The following SLC35D2 variants were observed in gnomAD, a reference collection of about 807,000 sequenced individuals.
SLC35D2 encodes the protein solute carrier family 35 member D2, also known as nucleotide sugar transporter SLC35D2.
Under a neutral mutation model 41.8 loss-of-function variants are expected in SLC35D2, and 43 were observed. That is an observed-to-expected ratio of 1.03 (90% CI 0.81 to 1.33). The LOEUF is 1.33. SLC35D2 is among the 40% of genes most tolerant of loss of function. SLC35D2 has a pLI of 0.00. For synonymous variants in SLC35D2, 150 were observed against 163.9 expected (o/e 0.92, Z 0.65); for missense variants, 380 against 408.4 (o/e 0.93, Z 0.60).
chr9:96,320,124 G>A (rs1424169910), downstream of SLC35D2, among the ~76,000 whole-genome samples: 1 of 152,186 alleles, frequency 6.6e-6, no homozygotes, highest in Non-Finnish European at 1.5e-5. Flanking sequence ...CCAGGGGTTG[G>A]CGGTAGGTGA....
chr9:96,359,253 G>A (rs1426444527), intron 4 of SLC35D2, among the ~76,000 whole-genome samples: 3 of 118,386 alleles, frequency 2.5e-5, no homozygotes, highest in African/African-American at 8.0e-5. Context: ...GCAGTGAGCC[G>A]AGATTGTGCC....
Position 96,321,117 on chromosome 9 carries a change from G to T in SLC35D2, c.*125C>A. Reference sequence around the variant, plus strand: ...TATGAGGTAGTTCTCTTTGCATTTTGCAGATGCTCTCACTTGCCCAGGGGG... The same window carrying T: ...TATGAGGTAGTTCTCTTTGCATTTTTCAGATGCTCTCACTTGCCCAGGGGG... On this transcript the variant is annotated 3_prime_UTR_variant, in exon 12 of 12. Transcript: ENST00000253270. 1 of 671,192 alleles carries T rather than the reference G, an allele frequency of 1.5e-6. No individual in the cohort carries two copies. Among genetic ancestry groups the T allele is most frequent in the Non-Finnish European group, 2.6e-6 (1 of 384,558 alleles). 41.6% of individuals were successfully genotyped at this position (671,192 alleles called of 1,614,324 possible).
chr9:96,358,024 G>C (rs1830097934), intron 4 of SLC35D2, among the ~76,000 whole-genome samples: 1 of 146,090 alleles, frequency 6.8e-6, no homozygotes, highest in African/African-American at 2.6e-5. Flanking sequence ...TGGAGACCCT[G>C]TCTCAAAAAA....
downstream of SLC35D2, among the ~76,000 whole-genome samples, chr9:96,317,299 A>G (rs548256481): frequency 6.6e-6 from 1 of 152,274 alleles, no homozygotes; most frequent in South Asian, 2.1e-4. Context: ...TTTTACCAGG[A>G]AAAATTATAT....
At chr9:96,323,572 T>C (rs1177486826) in intron 10 of SLC35D2, among the ~76,000 whole-genome samples, 1 of 152,178 alleles carries the variant, frequency 6.6e-6, no homozygotes, top group Non-Finnish European at 1.5e-5. Flanking sequence ...TTAAAAGTTA[T>C]AATTCATCTC....
chr9:96,344,993 C>T (rs1036135064), intron 7 of SLC35D2, among the ~76,000 whole-genome samples: 1 of 152,178 alleles, frequency 6.6e-6, no homozygotes, highest in Admixed American at 6.5e-5. Context: ...GAACAAATAT[C>T]GTGACCCCTG....
chr9:96,334,402 C>G (rs1242740371), intron 9 of SLC35D2, among the ~76,000 whole-genome samples: 2 of 152,122 alleles, frequency 1.3e-5, no homozygotes, highest in African/African-American at 4.8e-5. Context: ...CTTTGGGAGG[C>G]CGAGGCAGGT....
chr9:96,376,158 A>G (rs887996690), intron 1 of SLC35D2, among the ~76,000 whole-genome samples: 2 of 151,048 alleles, frequency 1.3e-5, no homozygotes, highest in African/African-American at 4.9e-5. Context: ...AGCTGGGCAT[A>G]GTGGCAGGCG....
chr9:96,371,691 C>CCAT (rs1458516125), intron 1 of SLC35D2, among the ~76,000 whole-genome samples: 1 of 148,434 alleles, frequency 6.7e-6, no homozygotes, highest in Non-Finnish European at 1.5e-5. Context: ...TCTCTTTTCT[C>CCAT]CATTCAGTTC....
chr9:96,313,740 G>A (rs969561375), exon 12 of SLC35D2, among the ~76,000 whole-genome samples: 26 of 152,224 alleles, frequency 1.7e-4, no homozygotes, highest in African/African-American at 5.1e-4. Flanking sequence ...CACAGGCTGC[G>A]TCCTCCCTGG....
chr9:96,356,451 A>C (rs1830029922), intron 4 of SLC35D2, among the ~76,000 whole-genome samples: 1 of 150,612 alleles, frequency 6.6e-6, no homozygotes, highest in Non-Finnish European at 1.5e-5. Flanking sequence ...AATGCAAGAG[A>C]ATTAAAAAAT....
chr9:96,346,327 C>T (rs1307276953), intron 6 of SLC35D2, among the ~76,000 whole-genome samples: 3 of 152,142 alleles, frequency 2.0e-5, no homozygotes, highest in Admixed American at 1.3e-4. Context: ...CTTCAAGGAA[C>T]AAATAAATTG....
chr9:96,357,185 T>C (rs534833051), intron 4 of SLC35D2, among the ~76,000 whole-genome samples: 1 of 152,018 alleles, frequency 6.6e-6, no homozygotes, highest in South Asian at 2.1e-4. Flanking sequence ...TCTCAAAAAA[T>C]AAAAAATAAA....
intron 6 of SLC35D2, among the ~76,000 whole-genome samples, chr9:96,348,420 C>T (rs1021107374): frequency 1.3e-5 from 2 of 152,174 alleles, no homozygotes; most frequent in African/African-American, 4.8e-5. Context: ...GCAGAGCCCT[C>T]GCACTAGCAC....
At chr9:96,327,440 T>G (rs1828588686) in intron 9 of SLC35D2, among the ~76,000 whole-genome samples, 1 of 151,974 alleles carries the variant, frequency 6.6e-6, no homozygotes, top group South Asian at 2.1e-4. Context: ...ATCATGGATC[T>G]AAGATCCCAG....
chr9:96,367,210 A>C (rs1343281181), intron 2 of SLC35D2, among the ~76,000 whole-genome samples: 1 of 136,368 alleles, frequency 7.3e-6, no homozygotes, highest in Non-Finnish European at 1.5e-5. Flanking sequence ...ACAGGCTGAG[A>C]CTCAGTCACA....
intron 4 of SLC35D2, 70 bp from the exon 5 acceptor site, chr9:96,352,179 T>TA: frequency 1.0e-6 from 1 of 999,648 alleles, no homozygotes; most frequent in Non-Finnish European, 1.5e-6. Context: ...TTACATGTTT[T>TA]ACATTTTTAA....
chr9:96,381,252 T>A (rs940071674), intron 1 of SLC35D2, among the ~76,000 whole-genome samples: 2 of 152,256 alleles, frequency 1.3e-5, no homozygotes, highest in African/African-American at 4.8e-5. Context: ...ATGTCGGCTC[T>A]CAACACAGCA....
Position 96,360,650 on chromosome 9 carries a change from A to AAG in SLC35D2, c.280-430_280-429insCT, listed in dbSNP as rs1554715878. 1.1e-3 allele frequency among the ~76,000 whole-genome samples: 145 copies of AAG among 132,812 alleles called. 4 individuals carry two copies. Among genetic ancestry groups the AAG allele is most frequent in the African/African-American group, 2.2e-3 (73 of 33,710 alleles). 87.1% of individuals were successfully genotyped at this position (132,812 alleles called of 152,430 possible). A position where few individuals can be genotyped will look rare whatever the true frequency, so the allele number is the denominator to read the frequency against. On this transcript the variant is annotated intron_variant, in intron 3 of 11. Transcript: ENST00000253270. ...TCTCAAAAAAAAAAAAAAAAAAAAAAAAAAGAAAAGGTGCGCCTTCTCACT... is the reference window on the plus strand; with the variant it reads ...TCTCAAAAAAAAAAAAAAAAAAAAAAAGAAAAGAAAAGGTGCGCCTTCTCACT...
Sources: allele counts gnomAD v4.1 joint callset (sites outside exome capture counted in the v4.1 genomes callset), GRCh38; gene constraint gnomAD v4.1.1; transcripts MANE v1.5; gene names NCBI Gene and HGNC (gene_info 2026-07-23, HGNC 2026-07-21).